The following JADE3 variants were observed in gnomAD, a reference collection of about 807,000 sequenced individuals.
The protein encoded by JADE3 is jade family PHD finger 3.
JADE3 carries 2 observed loss-of-function variants against 50.1 expected under a neutral mutation model. The observed-to-expected ratio is 0.04, with a 90% CI of 0.02 to 0.13. JADE3 has a LOEUF of 0.13. Ranked by LOEUF, JADE3 falls within the 10% of genes least tolerant of loss-of-function variation. JADE3 has a pLI of 1.00. For synonymous variants in JADE3, 218 were observed against 232.9 expected, an observed-to-expected ratio of 0.94 and a Z score of 0.58; for missense variants, 475 against 634.4, an observed-to-expected ratio of 0.75 and a Z score of 2.70.
chrX:46,982,468 G>A (rs1927776742), intron 1 of JADE3, among the ~76,000 whole-genome samples: 1 of 111,367 alleles, frequency 9.0e-6, no homozygotes, highest in Admixed American at 9.5e-5. Context: ...ACATGTGGTT[G>A]TATGGGTCAT....
intron 10 of JADE3, among the ~76,000 whole-genome samples, chrX:47,057,541 A>G (rs933039990): frequency 9.0e-6 from 1 of 111,357 alleles, no homozygotes; most frequent in Non-Finnish European, 1.9e-5. Flanking sequence ...TTACCACTAC[A>G]AAACCTCCCA....
At chrX:46,958,098 G>A (rs961854558) in intron 1 of JADE3, among the ~76,000 whole-genome samples, 2 of 111,355 alleles carry the variant, frequency 1.8e-5, no homozygotes, top group Non-Finnish European at 3.8e-5. Flanking sequence ...CCCCTCTCTG[G>A]ATGCACTTTC....
At position 47,054,261 on chromosome X, in the gene JADE3, A is replaced by G; in HGVS notation, c.1076A>G (p.Lys359Arg). 1 of 1,209,251 alleles carries G rather than the reference A, an allele frequency of 8.3e-7. No homozygotes were observed. Among genetic ancestry groups the G allele is most frequent in the Non-Finnish European group, 1.1e-6 (1 of 894,105 alleles). ...ILDEGDEVKF[K>R]SYCLKHSQNR... is the part of the protein sequence containing the mutation. ...GATGAGGGAGACGAAGTGAAGTTCAAGTCATATTGCCTCAAGCATAGCCAA... is the reference window on the plus strand; with the variant it reads ...GATGAGGGAGACGAAGTGAAGTTCAGGTCATATTGCCTCAAGCATAGCCAA... The change falls in exon 9 of 11, where the codon AAG (lysine) becomes AGG (arginine). Residue 359 changes from lysine (K) to arginine (R), a missense_variant. Coordinates refer to ENST00000614628, the MANE Select transcript of JADE3 (RefSeq NM_014735.5).
At chrX:46,921,408 G>T (rs782658672) in intron 1 of JADE3, among the ~76,000 whole-genome samples, 2 of 111,919 alleles carry the variant, frequency 1.8e-5, no homozygotes, top group Non-Finnish European at 3.8e-5. Context: ...CAGAGTTGTA[G>T]TGGTGAGAGA....
intron 4 of JADE3, among the ~76,000 whole-genome samples, chrX:47,020,099 G>A (rs991223181): frequency 9.0e-6 from 1 of 111,725 alleles, no homozygotes; most frequent in South Asian, 3.7e-4. Context: ...GGGAGGCTGA[G>A]GCAGGTGGAT....
chrX:47,042,122 T>C (rs1602420110), intron 8 of JADE3, among the ~76,000 whole-genome samples: 1 of 111,710 alleles, frequency 9.0e-6, no homozygotes. Flanking sequence ...GTCTCCCAAG[T>C]AGCTAGGTCT....
intron 4 of JADE3, among the ~76,000 whole-genome samples, chrX:47,019,115 C>T (rs782304428): frequency 9.0e-6 from 1 of 111,711 alleles, no homozygotes; most frequent in Admixed American, 9.4e-5. Context: ...GTTCTCATGG[C>T]ATCACTTCTA....
chrX:46,932,757 C>T (rs1394254839), intron 1 of JADE3, among the ~76,000 whole-genome samples: 5 of 111,449 alleles, frequency 4.5e-5, no homozygotes, highest in African/African-American at 6.5e-5. Context: ...TTTTGGATAC[C>T]TCTGCAGGTA....
chrX:46,945,120 G>A (rs1172952491), intron 1 of JADE3, among the ~76,000 whole-genome samples: 1 of 108,618 alleles, frequency 9.2e-6, no homozygotes, highest in Non-Finnish European at 1.9e-5. Context: ...ACCTCCCAAA[G>A]TGCTGGGAGG....
In JADE3 at chrX:47,034,714, C is replaced by T. The variant is rs1391275274; in HGVS notation, c.855+926C>T. 3.6e-5 allele frequency among the ~76,000 whole-genome samples: 4 copies of T among 109,940 alleles called. No homozygotes were observed. The East Asian group carries it at 1.1e-3, about 31-fold the overall frequency. On this transcript the variant is annotated intron_variant, in intron 7 of 10. Coordinates refer to ENST00000614628, the MANE Select transcript of JADE3 (RefSeq NM_014735.5). ...TCTCAGGTTCACGCCATTCTTCTGC[C>T]TCAGCCTCCCGAGTAGCTGGGACTA...
Position 46,926,954 on chromosome X carries a change from G to A in JADE3, c.-12+14235G>A, listed in dbSNP as rs149494456. 8.8e-3 allele frequency among the ~76,000 whole-genome samples: 992 copies of A among 112,096 alleles called. 2 individuals are homozygous for A. Among genetic ancestry groups the A allele is most frequent in the Non-Finnish European group, 0.014 (725 of 53,224 alleles). Reference sequence around the variant, plus strand: ...CAGTTTTTGTTGATTGAGTAGAGCCGCTATAAAAATTCATGTACATGTGTT... The same window carrying A: ...CAGTTTTTGTTGATTGAGTAGAGCCACTATAAAAATTCATGTACATGTGTT... On this transcript the variant is annotated intron_variant, in intron 1 of 10. Transcript: ENST00000614628.
At position 47,056,186 on chromosome X, in the gene JADE3, A is replaced by G. The variant is rs1556373387; in HGVS notation, c.1548A>G (p.Gln516=). ...GTTTGCAAGTCCAGCTTCTTAACCA[A>G]GAAATTGATGCAGGTAACCTGTATA... The part of the protein sequence containing the change: ...IFGLQVQLLN[Q]EIDAGLPLTN... The change falls in exon 10 of 11, where the codon CAA becomes CAG. Residue 516 remains glutamine, a synonymous_variant. Transcript: ENST00000614628. 1 of 1,144,781 alleles carries G rather than the reference A, an allele frequency of 8.7e-7. No individual in the cohort carries two copies. Among genetic ancestry groups the G allele is most frequent in the Non-Finnish European group, 1.2e-6 (1 of 836,047 alleles). 94.3% of individuals were successfully genotyped at this position (1,144,781 alleles called of 1,213,427 possible).
intron 1 of JADE3, among the ~76,000 whole-genome samples, chrX:46,964,295 G>A (rs950871794): frequency 8.9e-6 from 1 of 111,816 alleles, no homozygotes; most frequent in Non-Finnish European, 1.9e-5. Context: ...CTTAAATCTG[G>A]GTGAGCTTGT....
chrX:46,923,393 C>CTCTCTCTTTTTT (rs1556338199), intron 1 of JADE3, among the ~76,000 whole-genome samples: 1 of 11,525 alleles, frequency 8.7e-5, no homozygotes, highest in Non-Finnish European at 2.0e-4. Context: ...CTCTCTCTCT[C>CTCTCTCTTTTTT]TTTTTTTTTT....
At chrX:46,933,119 G>T (rs143389128) in intron 1 of JADE3, among the ~76,000 whole-genome samples, 1 of 111,636 alleles carries the variant, frequency 9.0e-6, no homozygotes, top group Non-Finnish European at 1.9e-5. Context: ...CTACTGAACA[G>T]CATAATCAAA....
At chrX:46,950,195 A>G (rs782677997) in intron 1 of JADE3, among the ~76,000 whole-genome samples, 5 of 112,293 alleles carry the variant, frequency 4.5e-5, no homozygotes, top group South Asian at 7.4e-4. Context: ...ATATAATTCA[A>G]TGCCTTTTAA....
At chrX:46,915,604 A>G (rs895739439) in intron 1 of JADE3, among the ~76,000 whole-genome samples, 23 of 111,615 alleles carry the variant, frequency 2.1e-4, no homozygotes, top group Non-Finnish European at 3.8e-4. Context: ...GGTCATTACA[A>G]ACCAAATAAC....
intron 3 of JADE3, among the ~76,000 whole-genome samples, chrX:46,989,161 C>T (rs782062421): frequency 8.9e-6 from 1 of 112,071 alleles, no homozygotes; most frequent in Non-Finnish European, 1.9e-5. Flanking sequence ...TTTTTCAAAG[C>T]GTCAGTTTAT....
chrX:47,008,268 G>A (rs1556360812), intron 4 of JADE3, among the ~76,000 whole-genome samples: 1 of 111,782 alleles, frequency 8.9e-6, no homozygotes, highest in East Asian at 2.8e-4. Flanking sequence ...CAGAGGAAGT[G>A]ATACTAGTGA....
Sources: allele counts gnomAD v4.1 joint callset (sites outside exome capture counted in the v4.1 genomes callset), GRCh38; gene constraint gnomAD v4.1.1; transcripts MANE v1.5; gene names NCBI Gene and HGNC (gene_info 2026-07-23, HGNC 2026-07-21).